The following NCAM1 variants were observed in gnomAD, a reference collection of about 807,000 sequenced individuals.
The protein encoded by NCAM1 is neural cell adhesion molecule 1.
Under a neutral mutation model 109.8 loss-of-function variants are expected in NCAM1, and 14 were observed. The observed-to-expected ratio is 0.13, with a 90% confidence interval of 0.08 to 0.20. The LOEUF (loss-of-function observed/expected upper bound fraction) is 0.20, where lower values mean the gene tolerates loss of function less well. Among genes scored for constraint, NCAM1 ranks in the 10% least tolerant of loss-of-function variants. NCAM1 has a pLI of 1.00. For missense variants in NCAM1, 774 were observed against 1,109.9 expected (o/e 0.70, Z 4.30); for synonymous variants, 418 against 442.9 (o/e 0.94, Z 0.70).
intron 1 of NCAM1, among the ~76,000 whole-genome samples, chr11:113,056,020 TATATAAA>T (rs1565409338): frequency 5.2e-5 from 6 of 115,060 alleles, no homozygotes; most frequent in Non-Finnish European, 1.1e-4. Context: ...TATATATATA[TATATAAA>T]ATATATATAT....
rs1952313279 is a variant in NCAM1, at chr11:113,019,334, T to C, written c.52+57670T>C. On this transcript the variant is annotated intron_variant, in intron 1 of 19. Transcript: ENST00000316851. ...TGATGATAAACTCTCTGCAGGCATT[T>C]AGGGACGTCGCTTTACCTTCAATAG... Among the ~76,000 whole-genome samples the C allele has an allele frequency of 2.0e-5, 3 of 152,314 alleles. No homozygotes were observed. In the South Asian group the frequency reaches 6.2e-4, roughly 32 times the overall value.
chr11:113,021,056 C>T (rs1266734938), intron 1 of NCAM1, among the ~76,000 whole-genome samples: 2 of 152,198 alleles, frequency 1.3e-5, no homozygotes. Context: ...CGCACCCAAG[C>T]TTATTATTTT....
At chr11:113,020,766 A>ATTC (rs1430487938) in intron 1 of NCAM1, among the ~76,000 whole-genome samples, 15 of 151,844 alleles carry the variant, frequency 9.9e-5, no homozygotes, top group Non-Finnish European at 1.2e-4. Context: ...TATTATTATT[A>ATTC]TTATAATTGG....
At chr11:113,098,656 G>A (rs1172855585) in intron 1 of NCAM1, among the ~76,000 whole-genome samples, 1 of 152,126 alleles carries the variant, frequency 6.6e-6, no homozygotes, top group Non-Finnish European at 1.5e-5. Flanking sequence ...CCTTTAAGTA[G>A]AGTGGTCAGA....
intron 1 of NCAM1, among the ~76,000 whole-genome samples, chr11:113,199,747 A>G (rs1464132990): frequency 6.7e-6 from 1 of 150,242 alleles, no homozygotes; most frequent in Non-Finnish European, 1.5e-5. Context: ...ACTAACCTGC[A>G]CATTGTGCAC....
intron 1 of NCAM1, among the ~76,000 whole-genome samples, chr11:112,980,950 G>A (rs1033946143): frequency 1.1e-4 from 16 of 151,788 alleles, no homozygotes; most frequent in Non-Finnish European, 1.6e-4. Context: ...GGAAGCATCT[G>A]TTTCTGCCGG....
At chr11:113,164,065 C>T (rs12272966) in intron 1 of NCAM1, among the ~76,000 whole-genome samples, 43,424 of 152,024 alleles carry the variant, frequency 0.29, 6,643 homozygotes, top group East Asian at 0.46. Flanking sequence ...GCAGATATCA[C>T]TGCAGGTAGA....
At chr11:113,043,857 C>A (rs1350835719) in intron 1 of NCAM1, among the ~76,000 whole-genome samples, 4 of 152,086 alleles carry the variant, frequency 2.6e-5, no homozygotes, top group African/African-American at 9.7e-5. Flanking sequence ...GGGCCATGCT[C>A]CACCTAGCAT....
intron 1 of NCAM1, among the ~76,000 whole-genome samples, chr11:113,053,111 C>G (rs1953568419): frequency 6.6e-6 from 1 of 152,184 alleles, no homozygotes; most frequent in Non-Finnish European, 1.5e-5. Context: ...TTTCTCTACA[C>G]TGCTCCCACT....
chr11:113,167,629 G>C (rs186221258), intron 1 of NCAM1, among the ~76,000 whole-genome samples: 1 of 152,156 alleles, frequency 6.6e-6, no homozygotes, highest in East Asian at 1.9e-4. Flanking sequence ...GGGCCTGTTG[G>C]GGTTGAGTTA....
In NCAM1 at chr11:112,966,841, C is replaced by T. The variant is rs377189937; in HGVS notation, c.52+5177C>T. On this transcript the variant is annotated intron_variant, in intron 1 of 19. Transcript: ENST00000316851. Reference sequence around the variant, plus strand: ...TGTCTACATGCAGCCACTGAGTTAACGGATTTTCAGTTGGGTAGACACACT... The same window carrying T: ...TGTCTACATGCAGCCACTGAGTTAATGGATTTTCAGTTGGGTAGACACACT... 7.9e-5 allele frequency among the ~76,000 whole-genome samples: 12 copies of T among 152,278 alleles called. No individual in the cohort carries two copies. The East Asian group carries it at 1.5e-3, about 20-fold the overall frequency.
At chr11:113,000,837 T>C (rs782474096) in intron 1 of NCAM1, among the ~76,000 whole-genome samples, 20,099 of 44,250 alleles carry the variant, frequency 0.45, 1,663 homozygotes, top group African/African-American at 0.48. Flanking sequence ...TATATATATA[T>C]ATATATATAT....
chr11:113,235,950 T>C (rs1288120699), intron 14 of NCAM1, among the ~76,000 whole-genome samples: 3 of 152,164 alleles, frequency 2.0e-5, no homozygotes, highest in African/African-American at 7.2e-5. Flanking sequence ...TCCACCCAGC[T>C]AAAGAAGATA....
chr11:113,109,588 G>A (rs781971471), intron 1 of NCAM1, among the ~76,000 whole-genome samples: 3 of 152,196 alleles, frequency 2.0e-5, no homozygotes, highest in East Asian at 3.9e-4. Context: ...GGGACAGGGA[G>A]ATTACACATA....
intron 1 of NCAM1, among the ~76,000 whole-genome samples, chr11:113,018,872 C>CA (rs1952292943): frequency 6.6e-6 from 1 of 152,004 alleles, no homozygotes; most frequent in Non-Finnish European, 1.5e-5. Flanking sequence ...ATTTTCATTA[C>CA]AAAAATTACC....
intron 1 of NCAM1, among the ~76,000 whole-genome samples, chr11:113,117,777 A>G (rs1555095207): frequency 6.6e-6 from 1 of 152,076 alleles, no homozygotes; most frequent in Non-Finnish European, 1.5e-5. Flanking sequence ...ACAGAATATG[A>G]AGACACTGAC....
In NCAM1 at chr11:112,961,555, G is replaced by GC. The variant is rs1555062853; in HGVS notation, c.-58_-57insC. ...TCAGCCGCCGTCCACACTCGCTGCA[G>GC]GGGGGGGGGCACAGAATTTACCGCG... On this transcript the variant is annotated 5_prime_UTR_variant, in exon 1 of 20. Transcript: ENST00000316851. 2 of 712,206 alleles carry GC rather than the reference G, an allele frequency of 2.8e-6. No homozygotes were observed. The highest frequency in any genetic ancestry group is 1.6e-5 in the South Asian group (1 of 60,764). The allele number at this position is 712,206 out of a possible 1,614,324, so 44.1% of individuals were successfully genotyped here.
intron 1 of NCAM1, among the ~76,000 whole-genome samples, chr11:113,077,782 G>A (rs568692986): frequency 6.6e-6 from 1 of 151,872 alleles, no homozygotes; most frequent in East Asian, 1.9e-4. Context: ...CTCTTCCTGG[G>A]TTCAAGTGAT....
chr11:113,033,557 A>G (rs1424126141), intron 1 of NCAM1, among the ~76,000 whole-genome samples: 1 of 152,216 alleles, frequency 6.6e-6, no homozygotes, highest in African/African-American at 2.4e-5. Flanking sequence ...TCTACTATGC[A>G]AAGAGAATAG....
Sources: gnomAD v4.1 joint callset for allele counts (sites outside exome capture counted in the v4.1 genomes callset) on GRCh38, gnomAD v4.1.1 for gene constraint, MANE v1.5 for transcripts, NCBI Gene and HGNC (gene_info 2026-07-23, HGNC 2026-07-21) for gene names.